The following ADAMTSL3 variants were observed in gnomAD, a reference collection of about 807,000 sequenced individuals.
The protein encoded by ADAMTSL3 is ADAMTS-like protein 3.
ADAMTSL3 carries 128 observed loss-of-function variants against 201.7 expected under a neutral mutation model. The ratio of observed to expected loss-of-function variants is 0.63; its 90% CI spans 0.55 to 0.73. The LOEUF (loss-of-function observed/expected upper bound fraction) is 0.73, where lower values mean the gene tolerates loss of function less well. ADAMTSL3 is among the 30% of genes least tolerant of loss of function. The pLI is 0.00. For synonymous variants in ADAMTSL3, 738 were observed against 748.4 expected (o/e 0.99, Z 0.23); for missense variants, 1,990 against 2,119.6 (o/e 0.94, Z 1.20).
chr15:83,704,093 A>T (rs1176409388), intron 2 of ADAMTSL3, among the ~76,000 whole-genome samples: 1 of 151,872 alleles, frequency 6.6e-6, no homozygotes, highest in African/African-American at 2.4e-5. Context: ...CTACTCTGTG[A>T]CTGAATTGCT....
chr15:84,022,030 A>T (rs1567307936), intron 26 of ADAMTSL3, among the ~76,000 whole-genome samples: 1 of 152,188 alleles, frequency 6.6e-6, no homozygotes, highest in Non-Finnish European at 1.5e-5. Context: ...CTGGAGGTAA[A>T]ACCATTAATA....
intron 23 of ADAMTSL3, among the ~76,000 whole-genome samples, chr15:84,009,896 A>C (rs769942222): frequency 6.6e-6 from 1 of 152,244 alleles, no homozygotes; most frequent in African/African-American, 2.4e-5. Context: ...TCAATGTAGA[A>C]TTGACAGCAC....
intron 4 of ADAMTSL3, among the ~76,000 whole-genome samples, chr15:83,801,649 TAA>T (rs1491520400): frequency 0.012 from 312 of 26,910 alleles, no homozygotes; most frequent in Non-Finnish European, 0.016. Flanking sequence ...TATATAAATA[TAA>T]ATATATATAT....
intron 3 of ADAMTSL3, among the ~76,000 whole-genome samples, chr15:83,722,215 A>G (rs11858110): frequency 0.28 from 42,468 of 152,120 alleles, 6,240 homozygotes; most frequent in South Asian, 0.55. Flanking sequence ...AGAAAAGTTC[A>G]GTTACAGGGG....
At chr15:83,937,222 C>T (rs1467305811) in intron 17 of ADAMTSL3, among the ~76,000 whole-genome samples, 4 of 150,904 alleles carry the variant, frequency 2.7e-5, no homozygotes, top group Non-Finnish European at 5.9e-5. Context: ...ATGTTCACCG[C>T]AGCACTATTC....
At chr15:83,949,672 G>C (rs929821289) in intron 19 of ADAMTSL3, among the ~76,000 whole-genome samples, 4 of 152,070 alleles carry the variant, frequency 2.6e-5, no homozygotes, top group Admixed American at 6.6e-5. Flanking sequence ...GCCAACATTT[G>C]TTATTGCCTG....
At chr15:83,702,606 G>T (rs59012788) in intron 2 of ADAMTSL3, among the ~76,000 whole-genome samples, 3,713 of 151,630 alleles carry the variant, frequency 0.024, 145 homozygotes, top group African/African-American at 0.079. Flanking sequence ...TGGCTTCAGA[G>T]GGTGGAAGCC....
At chr15:83,805,027 G>T (rs931850456) in intron 5 of ADAMTSL3, among the ~76,000 whole-genome samples, 16 of 152,090 alleles carry the variant, frequency 1.1e-4, no homozygotes, top group African/African-American at 3.9e-4. Flanking sequence ...GGCAGGTGAG[G>T]TGCAGCTATT....
At chr15:84,021,712 A>G in intron 26 of ADAMTSL3, 119 bp downstream of exon 26, 1 of 1,059,118 alleles carries the variant, frequency 9.4e-7, no homozygotes, top group South Asian at 1.7e-5. Context: ...ACTGTATACT[A>G]GGCATCCTGC....
At chr15:84,001,119 GTCAC>G (rs1042703315) in intron 23 of ADAMTSL3, among the ~76,000 whole-genome samples, 1 of 152,180 alleles carries the variant, frequency 6.6e-6, no homozygotes, top group Non-Finnish European at 1.5e-5. Flanking sequence ...AAGCCTGCCA[GTCAC>G]TCAAGATATT....
At chr15:83,768,625 A>T (rs759397775) in intron 3 of ADAMTSL3, among the ~76,000 whole-genome samples, 1 of 152,204 alleles carries the variant, frequency 6.6e-6, no homozygotes, top group African/African-American at 2.4e-5. Flanking sequence ...TCTTCTGTAG[A>T]AGAGGATCAA....
rs1056505892 is a variant in ADAMTSL3 at position 84,037,982 on chromosome 15, G to T, written c.*176G>T. ...TGTAAAGTGAAATTTTCCAATGGTA[G>T]TTTTATATTCCAATTTTTTAAAATG... is the stretch of plus-strand genomic sequence containing the variant. On this transcript the variant is annotated 3_prime_UTR_variant, in exon 30 of 30. Transcript: ENST00000286744. 1.5e-4 allele frequency: 143 copies of T among 984,296 alleles called. No homozygotes were observed. Among genetic ancestry groups the T allele is most frequent in the Non-Finnish European group, 1.9e-4 (132 of 709,504 alleles). The allele number at this position is 984,296 out of a possible 1,614,324, so 61.0% of individuals were successfully genotyped here.
At chr15:83,809,557 G>A (rs187448311) in intron 5 of ADAMTSL3, among the ~76,000 whole-genome samples, 24 of 152,324 alleles carry the variant, frequency 1.6e-4, no homozygotes, top group Non-Finnish European at 2.9e-4. Flanking sequence ...CTCACTGGCA[G>A]TGTATCTCCC....
At chr15:83,805,876 G>A (rs186114401) in intron 5 of ADAMTSL3, among the ~76,000 whole-genome samples, 1 of 152,180 alleles carries the variant, frequency 6.6e-6, no homozygotes, top group African/African-American at 2.4e-5. Context: ...AGGTAAGCAG[G>A]GAGCCCCTAG....
Position 83,714,785 on chromosome 15 carries a change from T to TTCTC in ADAMTSL3, c.189+10278_189+10279insCTCT, listed in dbSNP as rs1411016187. Among the ~76,000 whole-genome samples, 3 of 101,322 alleles carry TTCTC rather than the reference T, an allele frequency of 3.0e-5. 1 individual carries two copies. The Admixed American group carries it at 3.4e-4, about 12-fold the overall frequency. 66.5% of individuals were successfully genotyped at this position (101,322 alleles called of 152,430 possible). ...TCTCTTTCTTTCTTTCTTTCTTTCT[T>TTCTC]TTTCTTTCTCTCTCTTTCTTTCTTC... is the stretch of plus-strand genomic sequence containing the variant. On this transcript the variant is annotated intron_variant, in intron 3 of 29. Coordinates refer to ENST00000286744, the MANE Select transcript of ADAMTSL3 (RefSeq NM_207517.3).
At chr15:83,686,504 T>A (rs1277366902) in intron 2 of ADAMTSL3, among the ~76,000 whole-genome samples, 1 of 152,220 alleles carries the variant, frequency 6.6e-6, no homozygotes, top group East Asian at 1.9e-4. Flanking sequence ...AGGAATCAAA[T>A]GATTTAGTTG....
chr15:83,982,814 C>T lies in ADAMTSL3; in HGVS notation c.3186C>T (p.His1062=), dbSNP rs779192726. The change falls in exon 21 of 30, where the codon CAC becomes CAT. Residue 1062 remains histidine (H), a synonymous_variant. Transcript: ENST00000286744. ...CTTTCTTGAGAGCTCTGTTAGGCCA[C>T]TGCAGCAATTCTGCAGGAAGCACCA... ...NQPFLRALLG[H]CSNSAGSTNS... The T allele has an allele frequency of 2.5e-6, 4 of 1,614,124 alleles. No homozygotes were observed. Among genetic ancestry groups the T allele is most frequent in the East Asian group, 2.2e-5 (1 of 44,874 alleles).
intron 7 of ADAMTSL3, among the ~76,000 whole-genome samples, chr15:83,857,719 G>A (rs2064769253): frequency 6.6e-6 from 1 of 152,036 alleles, no homozygotes; most frequent in Admixed American, 6.6e-5. Flanking sequence ...TAATAAACAG[G>A]TATTTCTATT....
chr15:84,036,812 T>C lies in ADAMTSL3; in HGVS notation c.4794T>C (p.Asp1598=). The change falls in exon 29 of 30, where the codon GAT becomes GAC. Residue 1598 remains aspartate, a synonymous_variant. Transcript: ENST00000286744. The part of the protein sequence containing the change: ...LRRNCTSGAC[D]VCWHTGPWKP... ...GGAACTGCACATCAGGGGCCTGTGA[T>C]GTGTGTTGGCACACAGGCCCTTGGA... is the stretch of plus-strand genomic sequence containing the variant. 1.2e-6 allele frequency: 2 copies of C among 1,614,102 alleles called. No individual in the cohort carries two copies. The highest frequency in any genetic ancestry group is 1.7e-6 in the Non-Finnish European group (2 of 1,179,992).
Sources: allele counts gnomAD v4.1 joint callset (sites outside exome capture counted in the v4.1 genomes callset), GRCh38; gene constraint gnomAD v4.1.1; transcripts MANE v1.5; gene names NCBI Gene and HGNC (gene_info 2026-07-23, HGNC 2026-07-21).